Variants in UROC1 observed in about 807,000 individuals in gnomAD.
UROC1 encodes urocanate hydratase 1, also known as urocanate hydratase.
UROC1 carries 79 observed loss-of-function variants against 89.5 expected under a neutral mutation model. The ratio of observed to expected loss-of-function variants is 0.88; its 90% confidence interval spans 0.74 to 1.06. UROC1 has a LOEUF of 1.06. UROC1 is among the 50% of genes least tolerant of loss of function. The probability of loss-of-function intolerance (pLI) is 0.00; values close to 1 mark genes in which losing one functional copy is unlikely to be tolerated. For missense variants in UROC1, 885 were observed against 907.8 expected (o/e 0.97, Z 0.32); for synonymous variants, 361 against 354.8 (o/e 1.02, Z -0.20).
chr3:126,503,720 A>G (rs889248078), intron 9 of UROC1, among the ~76,000 whole-genome samples: 1 of 152,258 alleles, frequency 6.6e-6, no homozygotes, highest in Non-Finnish European at 1.5e-5. Context: ...TCTGACACCA[A>G]GCCCACAGCC....
At chr3:126,496,490 C>T (rs144878036) in intron 14 of UROC1, among the ~76,000 whole-genome samples, 48 of 152,276 alleles carry the variant, frequency 3.2e-4, no homozygotes, top group African/African-American at 1.2e-3. Flanking sequence ...GAGGAAGTGG[C>T]CATCAAGCTG....
chr3:126,500,014 G>A (rs1463537176), intron 12 of UROC1, 43 bp downstream of exon 12: 2 of 1,578,266 alleles, frequency 1.3e-6, no homozygotes, highest in Non-Finnish European at 1.7e-6. Flanking sequence ...GCTGGGCCCA[G>A]GGTGGTGGCC....
chr3:126,508,121 T>A, intron 4 of UROC1, 26 bp from the exon 5 acceptor site: 1 of 1,613,100 alleles, frequency 6.2e-7, no homozygotes, highest in Non-Finnish European at 8.5e-7. Flanking sequence ...AGCGTGGGGA[T>A]TCTGTCAACA....
At chr3:126,509,535 T>G in intron 3 of UROC1, 50 bp downstream of exon 3, 1 of 1,461,294 alleles carries the variant, frequency 6.8e-7, no homozygotes, top group Non-Finnish European at 9.4e-7. Context: ...GTGTGTCTCG[T>G]GTTCTGTTTC....
At chr3:126,513,006 T>C (rs1346918505) in intron 1 of UROC1, among the ~76,000 whole-genome samples, 1 of 152,242 alleles carries the variant, frequency 6.6e-6, no homozygotes, top group Non-Finnish European at 1.5e-5. Context: ...GGGAAGCTAA[T>C]ACAGGCAGTA....
intron 9 of UROC1, among the ~76,000 whole-genome samples, chr3:126,502,531 GTATT>G (rs1444836558): frequency 6.6e-6 from 1 of 150,924 alleles, no homozygotes; most frequent in African/African-American, 2.4e-5. Context: ...TGTTATGTCT[GTATT>G]TATGTTTGTG....
intron 16 of UROC1, among the ~76,000 whole-genome samples, chr3:126,489,959 A>C (rs1000230454): frequency 3.3e-5 from 5 of 152,210 alleles, no homozygotes; most frequent in African/African-American, 1.2e-4. Flanking sequence ...CTCAAGCCTC[A>C]GGCAGCCTGG....
At chr3:126,492,702 C>T (rs1430681292) in intron 15 of UROC1, among the ~76,000 whole-genome samples, 186 bp from the exon 16 acceptor site, 1 of 152,128 alleles carries the variant, frequency 6.6e-6, no homozygotes, top group African/African-American at 2.4e-5. Flanking sequence ...TGAGGTGAGC[C>T]CCCACATTCA....
intron 6 of UROC1, among the ~76,000 whole-genome samples, chr3:126,507,266 A>G (rs1161094741): frequency 6.6e-6 from 1 of 151,998 alleles, no homozygotes; most frequent in Non-Finnish European, 1.5e-5. Flanking sequence ...TGTGCATCTT[A>G]TTACATGCAA....
chr3:126,517,000 C>A (rs991024257), intron 1 of UROC1, among the ~76,000 whole-genome samples: 1 of 152,018 alleles, frequency 6.6e-6, no homozygotes, highest in Non-Finnish European at 1.5e-5. Context: ...TCTCCACAAC[C>A]CCCTGGTGTC....
intron 9 of UROC1, 109 bp downstream of exon 9, chr3:126,503,886 G>A (rs1376875243): frequency 3.4e-6 from 4 of 1,162,746 alleles, no homozygotes; most frequent in Admixed American, 3.4e-5. Context: ...GTAGCCAGCT[G>A]TCAGGCATTA....
intron 9 of UROC1, among the ~76,000 whole-genome samples, chr3:126,501,543 G>A (rs912805083): frequency 6.6e-6 from 1 of 152,240 alleles, no homozygotes; most frequent in Non-Finnish European, 1.5e-5. Context: ...AACTGCCTGG[G>A]CGATCCATGG....
rs201153684 is a variant in UROC1, at chr3:126,498,051, C to G, written c.1438G>C (p.Val480Leu). The G allele has an allele frequency of 6.2e-7, 1 of 1,614,106 alleles. No homozygotes were observed. The highest frequency in any genetic ancestry group is 1.3e-5 in the African/African-American group (1 of 75,066). Residue 480 changes from valine (V) to leucine (L), a missense_variant and splice_region_variant, in exon 14 of 20, where the codon GTG (valine) becomes CTG (leucine). Val to Leu is a conservative substitution (Grantham distance 32). Transcript: ENST00000290868. ...SVLEEAIADG[V>L]KVSVKLQYMD... ...TGGGCATCCCCACCAATGGCGTCAC[C>G]TCCATCAGCAATGGCTTCCTCCAGC... is the stretch of plus-strand genomic sequence containing the variant.
At chr3:126,507,878 C>T (rs1320552515) in intron 5 of UROC1, 75 bp from the exon 6 acceptor site, 1 of 1,613,080 alleles carries the variant, frequency 6.2e-7, no homozygotes, top group Non-Finnish European at 8.5e-7. Flanking sequence ...GGATGATGCA[C>T]AGCGTTGGGG....
chr3:126,499,915 C>G (rs757338539), intron 12 of UROC1, 142 bp downstream of exon 12: 3 of 775,600 alleles, frequency 3.9e-6, no homozygotes, highest in East Asian at 2.7e-5. Flanking sequence ...GAAGGCCTGG[C>G]AGAGGCACAG....
Position 126,484,163 on chromosome 3 carries a change from CTTCT to C in UROC1, c.1791-699_1791-696del, listed in dbSNP as rs571591630. On this transcript the variant is annotated intron_variant, in intron 18 of 19. Transcript: ENST00000290868. ...GTTTTCTAATTAATGCATTTCTCTC[CTTCT>C]AACAGTTTTTGATATGTTCTTGGTT... 3.7e-3 allele frequency among the ~76,000 whole-genome samples: 564 copies of C among 152,238 alleles called. 1 individual carries two copies. Among genetic ancestry groups the C allele is most frequent in the Non-Finnish European group, 5.4e-3 (364 of 68,022 alleles).
At chr3:126,509,305 ATTTG>A (rs1314683848) in intron 3 of UROC1, among the ~76,000 whole-genome samples, 2 of 152,002 alleles carry the variant, frequency 1.3e-5, no homozygotes, top group South Asian at 2.1e-4. Context: ...TATAGTGTAA[ATTTG>A]TTTATTTTTA....
At position 126,482,225 on chromosome 3, in the gene UROC1, C is replaced by T. The variant is rs962340549; in HGVS notation, c.*120G>A. 8 of 1,458,824 alleles carry T rather than the reference C, an allele frequency of 5.5e-6. No individual in the cohort carries two copies. The Admixed American group carries it at 1.4e-4, about 26-fold the overall frequency. 90.4% of individuals were successfully genotyped at this position (1,458,824 alleles called of 1,614,324 possible). ...ACCCTGCACAGGGCACCATAAGGGC[C>T]ACGTGAGGATGTGCGAGAAGTGCAG... On this transcript the variant is annotated 3_prime_UTR_variant, in exon 20 of 20. Transcript: ENST00000290868.
Position 126,481,659 on chromosome 3 carries a change from C to T in UROC1, c.*686G>A, listed in dbSNP as rs1935389703. 1 of 152,238 alleles carries T rather than the reference C, an allele frequency of 6.6e-6. No homozygotes were observed. Among genetic ancestry groups the T allele is most frequent in the African/African-American group, 2.4e-5 (1 of 41,442 alleles). The allele number at this position is 152,238 out of a possible 1,614,324, so 9.4% of individuals were successfully genotyped here. On this transcript the variant is annotated 3_prime_UTR_variant, in exon 20 of 20. Coordinates refer to ENST00000290868, the MANE Select transcript of UROC1 (RefSeq NM_144639.3). ...CACGAGGCTCTGGACCCAGTCATTA[C>T]CGGGCTATGGGATTGGGGAAGGGGT... is the stretch of plus-strand genomic sequence containing the variant.
Sources: gnomAD v4.1 joint callset for allele counts (sites outside exome capture counted in the v4.1 genomes callset) on GRCh38, gnomAD v4.1.1 for gene constraint, MANE v1.5 for transcripts, NCBI Gene and HGNC (gene_info 2026-07-23, HGNC 2026-07-21) for gene names.